Variants in CTNNA2 observed in about 807,000 individuals in gnomAD.
The protein encoded by CTNNA2 is catenin alpha-2.
A neutral mutation model predicts 101.0 loss-of-function variants in CTNNA2; 42 were observed. The ratio of observed to expected loss-of-function variants is 0.42; its 90% CI spans 0.32 to 0.54. The LOEUF (loss-of-function observed/expected upper bound fraction) is 0.54. CTNNA2 is among the 20% of genes least tolerant of loss of function. The probability of loss-of-function intolerance (pLI) is 0.14; values close to 1 mark genes in which losing one functional copy is unlikely to be tolerated. For missense variants in CTNNA2, 871 were observed against 1,223.1 expected (o/e 0.71, Z 4.29); for synonymous variants, 450 against 456.4 (o/e 0.99, Z 0.18).
chr2:80,557,935 A>C (rs560549466), intron 12 of CTNNA2, among the ~76,000 whole-genome samples: 3 of 152,204 alleles, frequency 2.0e-5, no homozygotes, highest in Admixed American at 2.0e-4. Context: ...GAGTTTTTAC[A>C]ATTTTTATCC....
At chr2:80,509,366 A>C (rs1427046139) in intron 9 of CTNNA2, among the ~76,000 whole-genome samples, 3 of 152,182 alleles carry the variant, frequency 2.0e-5, no homozygotes, top group African/African-American at 7.2e-5. Context: ...CTAATCCCTC[A>C]TTATCCCTAA....
At chr2:79,789,505 G>A (rs1476471956) in intron 3 of CTNNA2, among the ~76,000 whole-genome samples, 3 of 152,060 alleles carry the variant, frequency 2.0e-5, no homozygotes, top group Admixed American at 6.5e-5. Context: ...GAGCCAATTC[G>A]ATTTGCATGT....
intron 9 of CTNNA2, among the ~76,000 whole-genome samples, chr2:80,489,137 G>T (rs544529619): frequency 6.6e-6 from 1 of 152,190 alleles, no homozygotes; most frequent in African/African-American, 2.4e-5. Flanking sequence ...TTTGAATGAG[G>T]TGACAGCATT....
At chr2:80,038,126 G>C (rs975342265) in intron 7 of CTNNA2, among the ~76,000 whole-genome samples, 3 of 152,108 alleles carry the variant, frequency 2.0e-5, no homozygotes, top group African/African-American at 7.2e-5. Context: ...TTGCACTCCA[G>C]TACGATCTGG....
chr2:80,297,695 C>CA lies in CTNNA2; in HGVS notation c.1057-95510dup, dbSNP rs779896938. On this transcript the variant is annotated intron_variant, in intron 7 of 18. Coordinates refer to ENST00000402739, the MANE Select transcript of CTNNA2 (RefSeq NM_001282597.3). ...AAAATACTGAGGTGGAAAATACTCT[C>CA]AAAAAATATATTCCCATTTGCTGGC... 1.0e-3 allele frequency among the ~76,000 whole-genome samples: 156 copies of CA among 152,080 alleles called. 2 individuals carry two copies. Among genetic ancestry groups the CA allele is most frequent in the Non-Finnish European group, 1.6e-3 (107 of 68,002 alleles).
In CTNNA2 at chr2:79,425,929, C is replaced by T. The variant is rs115762402; in HGVS notation, c.-135+51916C>T. Reference sequence around the variant, plus strand: ...GTTTCTATCAAATGAATAACACATCCGTGGACTGACAACAGGCATGTTAGC... The same window carrying T: ...GTTTCTATCAAATGAATAACACATCTGTGGACTGACAACAGGCATGTTAGC... On this transcript the variant is annotated intron_variant, in intron 4 of 21. Transcript: ENST00000466387. Among the ~76,000 whole-genome samples, 1,191 of 152,112 alleles carry T rather than the reference C, an allele frequency of 7.8e-3. 11 individuals carry two copies. The highest frequency in any genetic ancestry group is 0.027 in the Middle Eastern group (8 of 294).
rs556082997 is a variant in CTNNA2, at chr2:79,243,948, C to A, written c.-406+45872C>A. On this transcript the variant is annotated intron_variant, in intron 2 of 21. Transcript: ENST00000466387. The stretch of plus-strand genomic sequence containing the variant: ...GCCAAGGTATAGCAGCTGCTTATAC[C>A]TTTCCTTTCTGTTATTTTTCAGAAA... 4.6e-5 allele frequency among the ~76,000 whole-genome samples: 7 copies of A among 152,194 alleles called. No individual in the cohort carries two copies. The South Asian group carries it at 1.4e-3, about 32-fold the overall frequency.
chr2:80,089,107 G>A (rs780666723), intron 7 of CTNNA2, among the ~76,000 whole-genome samples: 5 of 152,048 alleles, frequency 3.3e-5, no homozygotes, highest in South Asian at 2.1e-4. Context: ...GTTCTTTGGC[G>A]TGTACCACTT....
At chr2:80,423,082 C>T (rs1255355213) in intron 9 of CTNNA2, among the ~76,000 whole-genome samples, 1 of 151,098 alleles carries the variant, frequency 6.6e-6, no homozygotes, top group East Asian at 1.9e-4. Flanking sequence ...AATTAGTATG[C>T]TCTCTTTTTT....
At chr2:79,791,197 A>T (rs1264744601) in intron 3 of CTNNA2, among the ~76,000 whole-genome samples, 1 of 152,152 alleles carries the variant, frequency 6.6e-6, no homozygotes, top group South Asian at 2.1e-4. Flanking sequence ...GCCATTCAAG[A>T]TCTGTTCAAT....
At chr2:80,203,775 T>G (rs557488799) in intron 7 of CTNNA2, among the ~76,000 whole-genome samples, 3 of 152,320 alleles carry the variant, frequency 2.0e-5, no homozygotes, top group African/African-American at 7.2e-5. Context: ...GGACTCTGTG[T>G]GGGGGCTCCA....
At chr2:80,099,848 G>C (rs1573076503) in intron 7 of CTNNA2, among the ~76,000 whole-genome samples, 2 of 152,008 alleles carry the variant, frequency 1.3e-5, no homozygotes, top group Admixed American at 1.3e-4. Flanking sequence ...AGAACCAAGA[G>C]AGACAGTAAA....
rs148814675 is a variant in CTNNA2, at chr2:79,532,659, GCTGCTTAATT to G, written c.-6+19456_-6+19465del. ...TGGAACATCCAAAAACCGCCAAGCT[GCTGCTTAATT>G]CTGTACTGTCCTCTCATCACAGAAT... is the stretch of plus-strand genomic sequence containing the variant. On this transcript the variant is annotated intron_variant, in intron 1 of 18. Coordinates refer to ENST00000402739, the MANE Select transcript of CTNNA2 (RefSeq NM_001282597.3). 0.011 allele frequency among the ~76,000 whole-genome samples: 1,731 copies of G among 152,154 alleles called. 90 individuals are homozygous for G. The East Asian group carries it at 0.15, about 13-fold the overall frequency.
rs60336887 is a variant in CTNNA2 at position 79,893,990 on chromosome 2, TTTCTTCTTCTTCTTCTTCTTC to T, written c.853-15549_853-15529del. Among the ~76,000 whole-genome samples, 670 of 114,908 alleles carry T rather than the reference TTTCTTCTTCTTCTTCTTCTTC, an allele frequency of 5.8e-3. 4 individuals are homozygous for T. The highest frequency in any genetic ancestry group is 9.9e-3 in the South Asian group (29 of 2,924). 75.4% of individuals were successfully genotyped at this position (114,908 alleles called of 152,430 possible). On this transcript the variant is annotated intron_variant, in intron 6 of 18. Coordinates refer to ENST00000402739, the MANE Select transcript of CTNNA2 (RefSeq NM_001282597.3). ...TTTTATTCTGTCAAGCTTAGGCTGT[TTTCTTCTTCTTCTTCTTCTTC>T]TTCTTCTTCTTCTTCTTCTTCTTCT...
intron 7 of CTNNA2, among the ~76,000 whole-genome samples, chr2:79,982,277 A>G (rs1382579201): frequency 7.5e-6 from 1 of 133,584 alleles, no homozygotes; most frequent in Admixed American, 7.5e-5. Context: ...ACATATATAT[A>G]ATATATATAA....
In CTNNA2 at chr2:80,073,004, C is replaced by G. The variant is rs575542631; in HGVS notation, c.1056+163207C>G. Among the ~76,000 whole-genome samples the G allele has an allele frequency of 4.6e-5, 7 of 152,270 alleles. 1 individual carries two copies. In the South Asian group the frequency reaches 1.5e-3, roughly 32 times the overall value. On this transcript the variant is annotated intron_variant, in intron 7 of 18. Coordinates refer to ENST00000402739, the MANE Select transcript of CTNNA2 (RefSeq NM_001282597.3). ...TTCGTGCAGAAATTAAAGGAAAAAA[C>G]TGGTTTTCATATTTGAATCAATCAA...
intron 7 of CTNNA2, among the ~76,000 whole-genome samples, chr2:79,980,553 G>C (rs59224748): frequency 6.6e-6 from 1 of 151,842 alleles, no homozygotes; most frequent in East Asian, 1.9e-4. Context: ...ATTACATTTT[G>C]AAACCTCATT....
chr2:79,749,373 G>T (rs1206139262), intron 3 of CTNNA2, among the ~76,000 whole-genome samples: 2 of 152,104 alleles, frequency 1.3e-5, no homozygotes, highest in Non-Finnish European at 2.9e-5. Context: ...AAAATAAATT[G>T]CCTAAAAGAG....
At chr2:80,524,207 A>G (rs1034814830) in intron 9 of CTNNA2, among the ~76,000 whole-genome samples, 1 of 152,162 alleles carries the variant, frequency 6.6e-6, no homozygotes, top group Admixed American at 6.5e-5. Context: ...TTAGGTGATC[A>G]GGGGAGATGT....
Sources: allele counts gnomAD v4.1 joint callset (sites outside exome capture counted in the v4.1 genomes callset), GRCh38; gene constraint gnomAD v4.1.1; transcripts MANE v1.5; gene names NCBI Gene and HGNC (gene_info 2026-07-23, HGNC 2026-07-21).